Variants in ADGRB3 observed in about 807,000 individuals in gnomAD.
ADGRB3 encodes the protein adhesion G protein-coupled receptor B3.
A neutral mutation model predicts 193.4 loss-of-function variants in ADGRB3; 37 were observed. The ratio of observed to expected loss-of-function variants is 0.19; its 90% CI spans 0.15 to 0.25. The LOEUF (loss-of-function observed/expected upper bound fraction) is 0.25, where lower values mean the gene tolerates loss of function less well. Among genes scored for constraint, ADGRB3 ranks in the 10% least tolerant of loss-of-function variants. The pLI is 1.00. For missense variants in ADGRB3, 1,637 were observed against 1,852.9 expected, an observed-to-expected ratio of 0.88 and a Z score of 2.14; for synonymous variants, 690 against 644.2, an observed-to-expected ratio of 1.07 and a Z score of -1.08.
At chr6:68,698,357 C>T (rs1765189643) in intron 3 of ADGRB3, among the ~76,000 whole-genome samples, 1 of 151,858 alleles carries the variant, frequency 6.6e-6, no homozygotes, top group Admixed American at 6.6e-5. Context: ...AAGATTGTAA[C>T]ACAAAAATAG....
chr6:69,038,839 G>A (rs1770949364), intron 13 of ADGRB3, among the ~76,000 whole-genome samples: 1 of 152,128 alleles, frequency 6.6e-6, no homozygotes, highest in Admixed American at 6.5e-5. Flanking sequence ...AGGTTCAGTA[G>A]TTCCTTCTTA....
chr6:69,040,675 C>T (rs1489250425), intron 13 of ADGRB3, among the ~76,000 whole-genome samples: 1 of 19,518 alleles, frequency 5.1e-5, no homozygotes, highest in South Asian at 3.3e-3. Context: ...GACTGATGGA[C>T]AAAAAAAAAA....
rs536422779 is a variant in ADGRB3, at chr6:69,330,293, T to C, written c.3036-213T>C. 7.2e-5 allele frequency among the ~76,000 whole-genome samples: 11 copies of C among 152,314 alleles called. No individual in the cohort carries two copies. In the South Asian group the frequency reaches 2.3e-3, roughly 32 times the overall value. ...TGAAAGTAAAACCTTGTAATAAAAC[T>C]TTCTTTTGAGTTAGATATATATAGT... On this transcript the variant is annotated intron_variant, in intron 22 of 31. Coordinates refer to ENST00000370598, the MANE Select transcript of ADGRB3 (RefSeq NM_001704.3).
intron 3 of ADGRB3, among the ~76,000 whole-genome samples, chr6:68,870,886 T>A (rs1340163763): frequency 6.6e-6 from 1 of 152,190 alleles, no homozygotes; most frequent in Non-Finnish European, 1.5e-5. Context: ...AAACCACTCT[T>A]TAGAAGGTGA....
At chr6:68,652,504 T>C (rs1043804855) in intron 3 of ADGRB3, among the ~76,000 whole-genome samples, 76 of 152,094 alleles carry the variant, frequency 5.0e-4, no homozygotes, top group Non-Finnish European at 7.4e-5. Context: ...TCATCTGAAC[T>C]CCAGACCTCT....
At chr6:68,772,894 A>C (rs927857242) in intron 3 of ADGRB3, among the ~76,000 whole-genome samples, 1 of 22,892 alleles carries the variant, frequency 4.4e-5, no homozygotes, top group African/African-American at 2.0e-4. Flanking sequence ...AAAAAAAAAA[A>C]ATATATATAT....
chr6:69,129,035 C>A (rs1773930953), intron 17 of ADGRB3, among the ~76,000 whole-genome samples: 2 of 152,240 alleles, frequency 1.3e-5, no homozygotes, highest in East Asian at 1.9e-4. Flanking sequence ...AAGTGATTTA[C>A]TTTTCTGAAA....
At chr6:68,931,001 A>C (rs1767322188) in intron 4 of ADGRB3, among the ~76,000 whole-genome samples, 1 of 152,070 alleles carries the variant, frequency 6.6e-6, no homozygotes, top group Non-Finnish European at 1.5e-5. Context: ...TAAGACTTTC[A>C]AAAATTAGAA....
chr6:69,124,062 C>A (rs1483417283), intron 17 of ADGRB3, among the ~76,000 whole-genome samples: 1 of 151,152 alleles, frequency 6.6e-6, no homozygotes, highest in Non-Finnish European at 1.5e-5. Flanking sequence ...GCATCATTGA[C>A]CCCAACCATG....
rs377745467 is a variant in ADGRB3 at position 69,230,280 on chromosome 6, C to T, written c.2481-3010C>T. Among the ~76,000 whole-genome samples the T allele has an allele frequency of 6.6e-5, 10 of 152,160 alleles. No homozygotes were observed. In the East Asian group the frequency reaches 1.4e-3, roughly 21 times the overall value. On this transcript the variant is annotated intron_variant, in intron 17 of 31. Coordinates refer to ENST00000370598, the MANE Select transcript of ADGRB3 (RefSeq NM_001704.3). ...ATTTCACTGTTTTTGTTTACCCTAT[C>T]GATAACAAACTAGACGCCATAATTA...
intron 3 of ADGRB3, among the ~76,000 whole-genome samples, chr6:68,729,564 T>C (rs989620644): frequency 1.3e-5 from 2 of 151,554 alleles, no homozygotes; most frequent in Non-Finnish European, 3.0e-5. Context: ...TTACATGGTA[T>C]ATTGGTGCTC....
At chr6:68,646,884 A>G (rs1399962602) in intron 3 of ADGRB3, among the ~76,000 whole-genome samples, 1 of 152,166 alleles carries the variant, frequency 6.6e-6, no homozygotes, top group Non-Finnish European at 1.5e-5. Flanking sequence ...TATTATGCAA[A>G]CATTTATTTA....
At chr6:68,915,001 C>G (rs1415769864) in intron 3 of ADGRB3, among the ~76,000 whole-genome samples, 2 of 152,158 alleles carry the variant, frequency 1.3e-5, no homozygotes, top group Non-Finnish European at 2.9e-5. Flanking sequence ...CTCTGTTAAT[C>G]ATATTTGAGC....
chr6:69,068,851 A>T (rs1771989068), intron 16 of ADGRB3, among the ~76,000 whole-genome samples: 1 of 152,184 alleles, frequency 6.6e-6, no homozygotes, highest in South Asian at 2.1e-4. Context: ...TGTAACATAG[A>T]TGGGACTCAT....
Position 68,894,299 on chromosome 6 carries a change from A to C in ADGRB3, c.758-36260A>C, listed in dbSNP as rs146330650. Among the ~76,000 whole-genome samples the C allele has an allele frequency of 5.1e-4, 78 of 152,078 alleles. 1 individual carries two copies. The East Asian group carries it at 0.012, about 23-fold the overall frequency. ...AAAATGGTGCTTTATTTTAGCTTCT[A>C]AATGATAAGATGGATATAAAATATG... On this transcript the variant is annotated intron_variant, in intron 3 of 31. Coordinates refer to ENST00000370598, the MANE Select transcript of ADGRB3 (RefSeq NM_001704.3).
chr6:69,377,465 T>C (rs539984744), intron 30 of ADGRB3, among the ~76,000 whole-genome samples: 1 of 152,062 alleles, frequency 6.6e-6, no homozygotes, highest in South Asian at 2.1e-4. Flanking sequence ...TACTCTAACC[T>C]TCCCTTCCCT....
chr6:69,388,381 C>T (rs1275458755), intron 31 of ADGRB3, among the ~76,000 whole-genome samples: 1 of 152,066 alleles, frequency 6.6e-6, no homozygotes, highest in African/African-American at 2.4e-5. Flanking sequence ...ACTTAACTCT[C>T]CTTCCTACTT....
At chr6:69,325,325 G>A (rs1370652325) in intron 21 of ADGRB3, among the ~76,000 whole-genome samples, 1 of 151,960 alleles carries the variant, frequency 6.6e-6, no homozygotes, top group African/African-American at 2.4e-5. Context: ...TTCTGAAAGT[G>A]CAAAATACCT....
chr6:69,384,902 A>G (rs1483148588), intron 31 of ADGRB3, among the ~76,000 whole-genome samples: 1 of 151,868 alleles, frequency 6.6e-6, no homozygotes, highest in Non-Finnish European at 1.5e-5. Flanking sequence ...AAAATTGCAT[A>G]ATTGGGTGGA....
Sources: allele counts gnomAD v4.1 joint callset (sites outside exome capture counted in the v4.1 genomes callset), GRCh38; gene constraint gnomAD v4.1.1; transcripts MANE v1.5; gene names NCBI Gene and HGNC (gene_info 2026-07-23, HGNC 2026-07-21).